Variants in SLC24A2 observed in about 807,000 individuals in gnomAD.
The protein encoded by SLC24A2 is sodium/potassium/calcium exchanger 2.
SLC24A2 carries 36 observed loss-of-function variants against 62.0 expected under a neutral mutation model. The observed-to-expected ratio is 0.58, with a 90% CI of 0.44 to 0.77. The LOEUF is 0.77. SLC24A2 is among the 30% of genes least tolerant of loss of function. The pLI, the probability that SLC24A2 is intolerant of heterozygous loss-of-function variation, is 0.00. For synonymous variants in SLC24A2, 358 were observed against 294.0 expected, an observed-to-expected ratio of 1.22 and a Z score of -2.23; for missense variants, 846 against 817.9, an observed-to-expected ratio of 1.03 and a Z score of -0.42.
the SLC24A2 span, among the ~76,000 whole-genome samples, chr9:20,008,189 C>T: frequency 6.6e-6 from 1 of 151,988 alleles, no homozygotes; most frequent in Non-Finnish European, 1.5e-5. Flanking sequence ...AGCCACTGCG[C>T]CTGGCCCCTC....
chr9:19,700,680 T>C (rs1184259524), intron 2 of SLC24A2, among the ~76,000 whole-genome samples: 1 of 152,186 alleles, frequency 6.6e-6, no homozygotes, highest in Non-Finnish European at 1.5e-5. Context: ...AGGCTGAAAT[T>C]ATTTCAGCAA....
the SLC24A2 span, among the ~76,000 whole-genome samples, chr9:20,077,761 G>A: frequency 6.6e-6 from 1 of 152,184 alleles, no homozygotes; most frequent in Non-Finnish European, 1.5e-5. Context: ...TTGCAAGCTT[G>A]ACAACTCTGA....
chr9:19,581,145 C>T (rs910546899), intron 5 of SLC24A2, among the ~76,000 whole-genome samples: 1 of 152,188 alleles, frequency 6.6e-6, no homozygotes, highest in Non-Finnish European at 1.5e-5. Flanking sequence ...GAATCAGCCA[C>T]ATTCAGACCC....
intron 2 of SLC24A2, among the ~76,000 whole-genome samples, chr9:19,774,842 G>A (rs1449276457): frequency 1.3e-5 from 2 of 152,186 alleles, no homozygotes; most frequent in African/African-American, 4.8e-5. Flanking sequence ...CACTCTGAAG[G>A]AAATAAGTTC....
At chr9:19,726,836 T>G (rs773209862) in intron 2 of SLC24A2, among the ~76,000 whole-genome samples, 10 of 152,222 alleles carry the variant, frequency 6.6e-5, no homozygotes, top group Non-Finnish European at 1.0e-4. Context: ...CAGCCTTTCT[T>G]TTCTTTTACA....
the SLC24A2 span, among the ~76,000 whole-genome samples, chr9:20,055,250 T>C: frequency 6.6e-6 from 1 of 152,158 alleles, no homozygotes; most frequent in Non-Finnish European, 1.5e-5. Flanking sequence ...AAAAAAAGTC[T>C]TTACTTCTGC....
At chr9:19,690,760 G>C (rs1041168161) in intron 2 of SLC24A2, among the ~76,000 whole-genome samples, 2 of 151,996 alleles carry the variant, frequency 1.3e-5, no homozygotes, top group Non-Finnish European at 2.9e-5. Flanking sequence ...TATATATTCA[G>C]TCTGGTTCCA....
the SLC24A2 span, among the ~76,000 whole-genome samples, chr9:20,104,434 A>T: frequency 2.0e-5 from 3 of 152,190 alleles, no homozygotes; most frequent in South Asian, 6.2e-4. Context: ...AAAAAATGTT[A>T]AGGGCAGTCA....
At chr9:19,912,701 C>A in the SLC24A2 span, among the ~76,000 whole-genome samples, 1 of 152,124 alleles carries the variant, frequency 6.6e-6, no homozygotes, top group Non-Finnish European at 1.5e-5. Flanking sequence ...AACACTGGAA[C>A]CTCCCAGCTC....
the SLC24A2 span, among the ~76,000 whole-genome samples, chr9:20,012,381 G>A: frequency 6.6e-6 from 1 of 152,128 alleles, no homozygotes; most frequent in African/African-American, 2.4e-5. Flanking sequence ...CATGAGAACA[G>A]CGCAGGAAAG....
At chr9:20,011,765 A>C in the SLC24A2 span, among the ~76,000 whole-genome samples, 2 of 152,202 alleles carry the variant, frequency 1.3e-5, no homozygotes, top group African/African-American at 4.8e-5. Flanking sequence ...ATCATAAACA[A>C]ATTACTGAAA....
At chr9:19,694,469 T>C (rs1820128915) in intron 2 of SLC24A2, among the ~76,000 whole-genome samples, 1 of 152,198 alleles carries the variant, frequency 6.6e-6, no homozygotes, top group Non-Finnish European at 1.5e-5. Flanking sequence ...TAATTTATTT[T>C]ACTTTTATTC....
At chr9:20,273,065 G>A in the SLC24A2 span, among the ~76,000 whole-genome samples, 4 of 152,180 alleles carry the variant, frequency 2.6e-5, no homozygotes, top group African/African-American at 4.8e-5. Flanking sequence ...ACAGTGTGAG[G>A]CAGACGATGT....
chr9:20,276,855 G>C, the SLC24A2 span, among the ~76,000 whole-genome samples: 4 of 152,338 alleles, frequency 2.6e-5, no homozygotes, highest in South Asian at 2.1e-4. Flanking sequence ...GCAATGGCCT[G>C]AGCTGTATGT....
chr9:19,850,988 T>TATAC, the SLC24A2 span, among the ~76,000 whole-genome samples: 3 of 45,720 alleles, frequency 6.6e-5, no homozygotes, highest in South Asian at 4.9e-4. Flanking sequence ...TATATATGTA[T>TATAC]ATATATATAT....
intron 4 of SLC24A2, among the ~76,000 whole-genome samples, chr9:19,598,622 T>G (rs575189128): frequency 3.5e-4 from 53 of 152,006 alleles, no homozygotes; most frequent in Admixed American, 6.6e-4. Flanking sequence ...GAAAGAAAAT[T>G]TTTTTCATGA....
Position 19,765,915 on chromosome 9 carries a change from G to C in SLC24A2, c.930+20022C>G, listed in dbSNP as rs192494632. On this transcript the variant is annotated intron_variant, in intron 2 of 10. Transcript: ENST00000341998. The stretch of plus-strand genomic sequence containing the variant: ...TTTTCCAATTGGTTCCAATCTCCAT[G>C]TCACTTTCCGGTATACCAATCAAAT... Among the ~76,000 whole-genome samples the C allele has an allele frequency of 2.5e-4, 38 of 152,280 alleles. 1 individual carries two copies. Among genetic ancestry groups the C allele is most frequent in the African/African-American group, 4.8e-4 (20 of 41,544 alleles).
At chr9:19,585,110 T>C (rs1475309349) in intron 5 of SLC24A2, among the ~76,000 whole-genome samples, 6 of 152,184 alleles carry the variant, frequency 3.9e-5, no homozygotes, top group Admixed American at 6.5e-5. Context: ...ATTTCCTTAT[T>C]AAGAACTTTT....
chr9:20,121,756 G>A, the SLC24A2 span, among the ~76,000 whole-genome samples: 1 of 152,086 alleles, frequency 6.6e-6, no homozygotes, highest in South Asian at 2.1e-4. Flanking sequence ...CTCCTAAGCA[G>A]AAATTTGAAA....
Sources: allele counts gnomAD v4.1 joint callset (sites outside exome capture counted in the v4.1 genomes callset), GRCh38; gene constraint gnomAD v4.1.1; transcripts MANE v1.5; gene names NCBI Gene and HGNC (gene_info 2026-07-23, HGNC 2026-07-21).